Variants in NFATC2 observed in about 807,000 individuals in gnomAD.
NFATC2 encodes nuclear factor of activated T cells 2.
In NFATC2, 22 loss-of-function variants were observed where a neutral mutation model predicts 87.3. The observed-to-expected ratio is 0.25, with a 90% CI of 0.18 to 0.36. The LOEUF (loss-of-function observed/expected upper bound fraction) is 0.36. Among genes scored for constraint, NFATC2 ranks in the 10% least tolerant of loss-of-function variants. The pLI is 1.00. For missense variants in NFATC2, 1,149 were observed against 1,259.1 expected, an observed-to-expected ratio of 0.91 and a Z score of 1.32; for synonymous variants, 565 against 542.2, an observed-to-expected ratio of 1.04 and a Z score of -0.58.
At position 51,524,033 on chromosome 20, in the gene NFATC2, T is replaced by G; in HGVS notation, c.208A>C (p.Lys70Gln). ...YPDDVLDYGL[K>Q]PYSPLASLSG... ...AGACTAGCAAGGGGGCTGTATGGCT[T>G]GAGGCCATAGTCCAGGACATCATCG... Residue 70 changes from lysine (K) to glutamine (Q), a missense_variant, in exon 2 of 11, where the codon AAG (lysine) becomes CAG (glutamine). This residue lies in a region of NFATC2 where 563 missense variants were observed against 585.2 expected (regional missense o/e 0.96). Coordinates refer to ENST00000371564, the MANE Select transcript of NFATC2 (RefSeq NM_012340.5). This position sits in a 1 kb window ranked among gnomAD's most constrained non-coding sequence, Gnocchi z 4.0. 6.5e-7 allele frequency: 1 copy of G among 1,546,342 alleles called. No individual in the cohort carries two copies. The highest frequency in any genetic ancestry group is 8.7e-7 in the Non-Finnish European group (1 of 1,150,814).
At chr20:51,560,553 A>T (rs1370528865) in intron 1 of NFATC2, among the ~76,000 whole-genome samples, 1 of 152,130 alleles carries the variant, frequency 6.6e-6, no homozygotes, top group Non-Finnish European at 1.5e-5. Flanking sequence ...ATTGGATGGG[A>T]TATTGGGCTT....
At chr20:51,395,364 T>TTGTACGGTATTGATCCTTTAATTAACTTG (rs1231130608) in intron 10 of NFATC2, among the ~76,000 whole-genome samples, 1 of 151,950 alleles carries the variant, frequency 6.6e-6, no homozygotes, top group African/African-American at 2.4e-5. Context: ...ATTGATCCTC[T>TTGTACGGTATTGATCCTTTAATTAACTTG]TTCTTTTGGG....
intron 1 of NFATC2, among the ~76,000 whole-genome samples, chr20:51,540,663 T>TTTTTTTTTTTTTTTTTGTTTG (rs1555818354): frequency 1.5e-5 from 2 of 135,688 alleles, no homozygotes; most frequent in African/African-American, 2.8e-5. Flanking sequence ...TTTTTGTTTT[T>TTTTTTTTTTTTTTTTTGTTTG]TTTTTTTTGA....
At chr20:51,507,596 G>GT (rs2076205809) in intron 3 of NFATC2, among the ~76,000 whole-genome samples, 1 of 152,194 alleles carries the variant, frequency 6.6e-6, no homozygotes, top group Non-Finnish European at 1.5e-5. Context: ...CCTGACAGAC[G>GT]TAAGTCTACA....
intron 3 of NFATC2, among the ~76,000 whole-genome samples, chr20:51,510,517 C>G (rs1392390350): frequency 3.3e-5 from 5 of 152,248 alleles, no homozygotes; most frequent in African/African-American, 1.2e-4. Context: ...CCCTTTTCAT[C>G]TGATACCTGC....
chr20:51,538,867 C>A (rs926323710), intron 1 of NFATC2, among the ~76,000 whole-genome samples: 5 of 152,170 alleles, frequency 3.3e-5, no homozygotes, highest in African/African-American at 1.2e-4. Context: ...TGCTCAAGAT[C>A]ACCTTGTTGG....
upstream of NFATC2, among the ~76,000 whole-genome samples, chr20:51,544,330 T>C (rs2076871298): frequency 6.6e-6 from 1 of 151,924 alleles, no homozygotes; most frequent in African/African-American, 2.4e-5. Context: ...GTGCAGCCAG[T>C]GTTGAGGATG....
At chr20:51,520,833 T>G (rs997902388) in intron 2 of NFATC2, among the ~76,000 whole-genome samples, 1 of 151,824 alleles carries the variant, frequency 6.6e-6, no homozygotes, top group Non-Finnish European at 1.5e-5. Context: ...GCTAATTTTG[T>G]ATTTTTAGTA....
At position 51,432,374 on chromosome 20, in the gene NFATC2, C is replaced by A; in HGVS notation, c.2415G>T (p.Gln805His). 7 of 1,611,864 alleles carry A rather than the reference C, an allele frequency of 4.3e-6. No individual in the cohort carries two copies. The highest frequency in any genetic ancestry group is 5.1e-6 in the Non-Finnish European group (6 of 1,178,804). Residue 805 changes from glutamine to histidine, a missense_variant, in exon 9 of 11, where the codon CAG (glutamine) becomes CAT (histidine). By Grantham distance (24) the Gln-to-His change is conservative (BLOSUM62 0). Transcript: ENST00000371564. The surrounding 1 kb of genome is among the most constrained non-coding windows in gnomAD (Gnocchi z 4.6). Reference sequence around the variant, plus strand: ...AGTAGTGGATCACAGGCGAGGCCTGCTGGTTGGTCGGAGAGGGGTGGAGCA... The same window carrying A: ...AGTAGTGGATCACAGGCGAGGCCTGATGGTTGGTCGGAGAGGGGTGGAGCA... ...SALLHPSPTN[Q>H]QASPVIHYSP...
chr20:51,476,522 T>A (rs1231937857), intron 3 of NFATC2, among the ~76,000 whole-genome samples: 1 of 152,180 alleles, frequency 6.6e-6, no homozygotes, highest in African/African-American at 2.4e-5. Flanking sequence ...CCAATGGCTT[T>A]CCCTATCTCT....
At chr20:51,470,262 G>C (rs1988081904) in intron 5 of NFATC2, among the ~76,000 whole-genome samples, 1 of 152,172 alleles carries the variant, frequency 6.6e-6, no homozygotes, top group Non-Finnish European at 1.5e-5. Flanking sequence ...CTGGAGAAGG[G>C]TCAGGTCAGT....
chr20:51,405,964 A>G (rs528256334), intron 9 of NFATC2, among the ~76,000 whole-genome samples: 1 of 152,286 alleles, frequency 6.6e-6, no homozygotes, highest in African/African-American at 2.4e-5. Context: ...TTTAGTAGAG[A>G]CAGGATTTCA....
chr20:51,516,351 T>C (rs758224415), intron 3 of NFATC2, among the ~76,000 whole-genome samples: 1 of 152,230 alleles, frequency 6.6e-6, no homozygotes, highest in Non-Finnish European at 1.5e-5. Flanking sequence ...AAAATACTAA[T>C]ATAGCTATTT....
At chr20:51,515,634 C>G (rs763627331) in intron 3 of NFATC2, among the ~76,000 whole-genome samples, 2 of 150,838 alleles carry the variant, frequency 1.3e-5, no homozygotes, top group Non-Finnish European at 2.9e-5. Context: ...TGGTCAAGAA[C>G]CAAAACTCAA....
intron 1 of NFATC2, among the ~76,000 whole-genome samples, chr20:51,538,475 G>A (rs780113767): frequency 3.9e-5 from 6 of 152,118 alleles, no homozygotes; most frequent in Admixed American, 6.5e-5. Context: ...TCCAAGGCAA[G>A]GATGCCCACT....
chr20:51,500,514 C>T (rs1305320600), intron 3 of NFATC2, among the ~76,000 whole-genome samples: 1 of 151,734 alleles, frequency 6.6e-6, no homozygotes, highest in African/African-American at 2.4e-5. Context: ...AGGGAACTTA[C>T]AGAGCCCTAC....
chr20:51,412,662 C>T (rs911744291), intron 9 of NFATC2, among the ~76,000 whole-genome samples: 16 of 152,272 alleles, frequency 1.1e-4, no homozygotes, highest in Non-Finnish European at 1.9e-4. Flanking sequence ...AAACCCTGGC[C>T]GGCTCACATG....
intron 4 of NFATC2, 114 bp downstream of exon 4, chr20:51,475,344 G>T: frequency 1.1e-6 from 1 of 945,704 alleles, no homozygotes; most frequent in South Asian, 1.4e-5. Context: ...ACTGAGAACT[G>T]CCATCAACAG....
chr20:51,516,172 A>T (rs2076347525), intron 3 of NFATC2, among the ~76,000 whole-genome samples: 1 of 152,184 alleles, frequency 6.6e-6, no homozygotes, highest in South Asian at 2.1e-4. Context: ...AGCCACAGAC[A>T]CACAAAAAAG....
Sources: allele counts gnomAD v4.1 joint callset (sites outside exome capture counted in the v4.1 genomes callset), GRCh38; gene constraint gnomAD v4.1.1; regional missense constraint gnomAD v4.1.1; non-coding constraint Gnocchi (gnomAD v3.1); transcripts MANE v1.5; gene names NCBI Gene and HGNC (gene_info 2026-07-23, HGNC 2026-07-21).